Variants in MAGI2 observed in about 807,000 individuals in gnomAD.
MAGI2 encodes membrane associated guanylate kinase, WW and PDZ domain containing 2, also known as membrane-associated guanylate kinase, WW and PDZ domain-containing protein 2.
A neutral mutation model predicts 133.3 loss-of-function variants in MAGI2; 35 were observed. That is an observed-to-expected ratio of 0.26 (90% CI 0.20 to 0.35). The LOEUF is 0.35. MAGI2 is among the 10% of genes least tolerant of loss of function. MAGI2 has a pLI of 1.00. For missense variants in MAGI2, 1,636 were observed against 1,863.4 expected (o/e 0.88, Z 2.25); for synonymous variants, 729 against 710.6 (o/e 1.03, Z -0.41).
At chr7:78,131,307 T>C (rs1011854816) in intron 18 of MAGI2, among the ~76,000 whole-genome samples, 4 of 152,216 alleles carry the variant, frequency 2.6e-5, no homozygotes, top group Admixed American at 2.6e-4. Flanking sequence ...CTTGCGTATA[T>C]TTAAAAACAT....
chr7:78,862,231 A>C (rs1794207300), intron 2 of MAGI2, among the ~76,000 whole-genome samples: 1 of 152,212 alleles, frequency 6.6e-6, no homozygotes, highest in Admixed American at 6.5e-5. Context: ...AGTGCTTAGA[A>C]TATAACTTCT....
chr7:78,546,366 C>A (rs1243593968), intron 3 of MAGI2, among the ~76,000 whole-genome samples: 1 of 151,948 alleles, frequency 6.6e-6, no homozygotes, highest in Admixed American at 6.6e-5. Flanking sequence ...AGGTAGCATA[C>A]CAGATTTAAA....
intron 10 of MAGI2, among the ~76,000 whole-genome samples, chr7:78,211,164 C>T (rs1010649546): frequency 8.5e-5 from 13 of 152,064 alleles, no homozygotes; most frequent in Admixed American, 5.9e-4. Flanking sequence ...AGACATTCAC[C>T]TTAATTGGGA....
chr7:78,191,794 A>G (rs1190739355), intron 12 of MAGI2, among the ~76,000 whole-genome samples: 1 of 152,088 alleles, frequency 6.6e-6, no homozygotes, highest in African/African-American at 2.4e-5. Context: ...TCCTATGATC[A>G]TCTTCATTTG....
At chr7:79,221,097 C>G (rs1032317557) in intron 1 of MAGI2, among the ~76,000 whole-genome samples, 2 of 151,856 alleles carry the variant, frequency 1.3e-5, no homozygotes, top group Non-Finnish European at 2.9e-5. Context: ...GGAATTTTCC[C>G]CCTCATTCTA....
chr7:78,065,051 G>A (rs937903458), intron 21 of MAGI2, among the ~76,000 whole-genome samples: 1 of 152,052 alleles, frequency 6.6e-6, no homozygotes, highest in African/African-American at 2.4e-5. Context: ...CACTGAGTAT[G>A]GAGGAAGGAA....
chr7:78,990,240 A>G (rs1805632058), intron 2 of MAGI2, among the ~76,000 whole-genome samples: 1 of 152,126 alleles, frequency 6.6e-6, no homozygotes, highest in Non-Finnish European at 1.5e-5. Context: ...ATTAGAAAAT[A>G]GTACAGTTGT....
chr7:79,221,380 C>A (rs1400834214), intron 1 of MAGI2, among the ~76,000 whole-genome samples: 1 of 151,996 alleles, frequency 6.6e-6, no homozygotes, highest in Non-Finnish European at 1.5e-5. Flanking sequence ...TTCACTTAAT[C>A]CTCTCAGAAA....
At chr7:78,721,784 AG>A (rs1820291386) in intron 2 of MAGI2, among the ~76,000 whole-genome samples, 1 of 151,996 alleles carries the variant, frequency 6.6e-6, no homozygotes, top group African/African-American at 2.4e-5. Flanking sequence ...AGAATTTCCA[AG>A]TCTAATTTAT....
chr7:78,769,261 A>AT (rs35038531), intron 2 of MAGI2, among the ~76,000 whole-genome samples: 80,384 of 149,310 alleles, frequency 0.54, 21,646 homozygotes, highest in East Asian at 0.67. Context: ...GCAAATATCT[A>AT]TTTTTTTTTT....
chr7:78,308,731 T>C (rs1449849756), intron 9 of MAGI2, among the ~76,000 whole-genome samples: 3 of 152,172 alleles, frequency 2.0e-5, no homozygotes, highest in African/African-American at 7.2e-5. Flanking sequence ...GAAGTCCCTT[T>C]GTAAGTCAAT....
At position 79,329,038 on chromosome 7, in the gene MAGI2, TA is replaced by T. The variant is rs1473279556; in HGVS notation, c.301+123981del. ...GGTGAAACCCAGCAATCTGTATGTT[TA>T]AAGAGTCCTAAAGATGATTCTGGTG... On this transcript the variant is annotated intron_variant, in intron 1 of 21. Coordinates refer to ENST00000354212, the MANE Select transcript of MAGI2 (RefSeq NM_012301.4). Among the ~76,000 whole-genome samples, 4 of 152,206 alleles carry T rather than the reference TA, an allele frequency of 2.6e-5. No homozygotes were observed. The South Asian group carries it at 8.3e-4, about 31-fold the overall frequency.
intron 2 of MAGI2, among the ~76,000 whole-genome samples, chr7:78,827,675 T>C (rs905951826): frequency 2.6e-5 from 4 of 152,182 alleles, no homozygotes; most frequent in Admixed American, 1.3e-4. Flanking sequence ...AACATATAAA[T>C]TCACACTTAC....
intron 15 of MAGI2, among the ~76,000 whole-genome samples, chr7:78,165,530 G>C (rs1257381982): frequency 6.6e-6 from 1 of 152,116 alleles, no homozygotes; most frequent in Non-Finnish European, 1.5e-5. Context: ...TGTATAAGCT[G>C]AGGCAAGGAG....
At chr7:78,943,824 G>C (rs1801182816) in intron 2 of MAGI2, among the ~76,000 whole-genome samples, 1 of 151,872 alleles carries the variant, frequency 6.6e-6, no homozygotes, top group African/African-American at 2.4e-5. Context: ...TATCATGTCT[G>C]GAAAATAATA....
At chr7:78,380,152 C>G (rs1271858970) in intron 6 of MAGI2, among the ~76,000 whole-genome samples, 1 of 151,872 alleles carries the variant, frequency 6.6e-6, no homozygotes, top group East Asian at 1.9e-4. Context: ...AACACACACA[C>G]ACACACACAC....
At chr7:79,440,396 T>C (rs1848423009) in intron 1 of MAGI2, among the ~76,000 whole-genome samples, 1 of 152,106 alleles carries the variant, frequency 6.6e-6, no homozygotes, top group Admixed American at 6.6e-5. Context: ...TTGATTATGT[T>C]CTATTTTGGA....
intron 6 of MAGI2, among the ~76,000 whole-genome samples, chr7:78,476,882 TAAAA>T (rs57387572): frequency 3.0e-4 from 46 of 150,852 alleles, no homozygotes; most frequent in South Asian, 1.3e-3. Context: ...TCTTCACTAG[TAAAA>T]AAAAAAAAAT....
chr7:78,461,027 GTTCT>G (rs1451401634), intron 6 of MAGI2, among the ~76,000 whole-genome samples: 2 of 151,346 alleles, frequency 1.3e-5, no homozygotes, highest in Non-Finnish European at 2.9e-5. Context: ...GCCTTTCTTC[GTTCT>G]TTCTAACAAC....
Sources: allele counts gnomAD v4.1 joint callset (sites outside exome capture counted in the v4.1 genomes callset), GRCh38; gene constraint gnomAD v4.1.1; transcripts MANE v1.5; gene names NCBI Gene and HGNC (gene_info 2026-07-23, HGNC 2026-07-21).